RIN2: variants seen among roughly 807,000 people sequenced by gnomAD.
RIN2 encodes Ras and Rab interactor 2.
RIN2 carries 36 observed loss-of-function variants against 78.0 expected under a neutral mutation model. That is an observed-to-expected ratio of 0.46 (90% confidence interval 0.35 to 0.61). The LOEUF (loss-of-function observed/expected upper bound fraction) is 0.61, where lower values mean the gene tolerates loss of function less well. Ranked by LOEUF, RIN2 falls within the 20% of genes least tolerant of loss-of-function variation. The pLI is 0.00. For synonymous variants in RIN2, 466 were observed against 466.8 expected, an observed-to-expected ratio of 1.00 and a Z score of 0.02; for missense variants, 1,087 against 1,159.7, an observed-to-expected ratio of 0.94 and a Z score of 0.91.
At chr20:19,759,355 A>G (rs1441020913) in intron 1 of RIN2, among the ~76,000 whole-genome samples, 3 of 151,438 alleles carry the variant, frequency 2.0e-5, no homozygotes, top group African/African-American at 7.4e-5. Context: ...ACATCAGAGT[A>G]CTCTTCGACC....
chr20:19,952,318 G>A (rs2041352016), intron 4 of RIN2, among the ~76,000 whole-genome samples: 1 of 152,220 alleles, frequency 6.6e-6, no homozygotes, highest in African/African-American at 2.4e-5. Flanking sequence ...ACTCGCAGCA[G>A]ATGGGGCATG....
rs2043149867 is a variant in RIN2 at position 20,001,815 on chromosome 20, G to A, written c.*879G>A. ...ATATGAACTCTAACAAAGGACTGAG[G>A]AGTGCAGTCTGCTGGTTCAGGCTCT... On this transcript the variant is annotated 3_prime_UTR_variant, in exon 13 of 13. Transcript: ENST00000255006. 6.6e-6 allele frequency: 1 copy of A among 152,618 alleles called. No homozygotes were observed. The highest frequency in any genetic ancestry group is 2.1e-4 in the South Asian group (1 of 4,830). The allele number at this position is 152,618 out of a possible 1,614,324, so 9.5% of individuals were successfully genotyped here. A position where few individuals can be genotyped will look rare whatever the true frequency, so the allele number is the denominator to read the frequency against.
At chr20:19,811,847 T>TAA (rs58693993) in intron 2 of RIN2, among the ~76,000 whole-genome samples, 50 of 145,374 alleles carry the variant, frequency 3.4e-4, no homozygotes, top group Admixed American at 1.0e-3. Flanking sequence ...GCTCCCATTT[T>TAA]AAAAAAAAAA....
chr20:19,788,432 C>CAAAAAAAAAAAAAAAACAA (rs1316215614), intron 1 of RIN2, among the ~76,000 whole-genome samples: 1 of 53,742 alleles, frequency 1.9e-5, no homozygotes, highest in African/African-American at 1.1e-4. Flanking sequence ...CTGTCTCTGC[C>CAAAAAAAAAAAAAAAACAA]AAAAAAAAAA....
chr20:19,920,907 A>T (rs1251114374), intron 3 of RIN2, among the ~76,000 whole-genome samples: 1 of 152,178 alleles, frequency 6.6e-6, no homozygotes, highest in Non-Finnish European at 1.5e-5. Context: ...TCCTGACCTC[A>T]AGTGATCCAC....
At chr20:19,808,686 A>C (rs1438626894) in intron 2 of RIN2, among the ~76,000 whole-genome samples, 1 of 152,186 alleles carries the variant, frequency 6.6e-6, no homozygotes, top group African/African-American at 2.4e-5. Flanking sequence ...TGGCAAGTGG[A>C]AACAGAGCAG....
Position 19,818,742 on chromosome 20 carries a change from AAG to A in RIN2, c.-37+18997_-37+18998del, listed in dbSNP as rs1301304637. On this transcript the variant is annotated intron_variant, in intron 2 of 12. Transcript: ENST00000255006. ...GCGAGACTCCGTATCAAAAAAAAAA[AAG>A]AAAGAAAGAGAAAAAAAAAAAGAAA... Among the ~76,000 whole-genome samples the A allele has an allele frequency of 2.4e-4, 33 of 138,978 alleles. 2 individuals carry two copies. The highest frequency in any genetic ancestry group is 3.6e-3 in the Middle Eastern group (1 of 280). The allele number at this position is 138,978 out of a possible 152,430, so 91.2% of individuals were successfully genotyped here. A position where few individuals can be genotyped will look rare whatever the true frequency, so the allele number is the denominator to read the frequency against.
At chr20:19,940,994 C>T (rs947170299) in intron 4 of RIN2, among the ~76,000 whole-genome samples, 1 of 152,224 alleles carries the variant, frequency 6.6e-6, no homozygotes. Context: ...CCTTCCTCCA[C>T]TCTCCTGTAG....
intron 2 of RIN2, among the ~76,000 whole-genome samples, chr20:19,857,286 C>T (rs940459681): frequency 6.6e-6 from 1 of 152,092 alleles, no homozygotes; most frequent in Non-Finnish European, 1.5e-5. Flanking sequence ...CAAATGCATC[C>T]ACGTTGCTTC....
chr20:19,997,578 G>A (rs1162327295), intron 12 of RIN2, among the ~76,000 whole-genome samples: 1 of 152,148 alleles, frequency 6.6e-6, no homozygotes, highest in East Asian at 1.9e-4. Context: ...GGCCAACACG[G>A]TGAAACCCTG....
At chr20:19,796,920 A>G (rs2035075687) in intron 1 of RIN2, among the ~76,000 whole-genome samples, 1 of 152,244 alleles carries the variant, frequency 6.6e-6, no homozygotes, top group Non-Finnish European at 1.5e-5. Flanking sequence ...GACTTCACAC[A>G]GAGTCAATGT....
chr20:19,816,106 G>A (rs1341142935), intron 2 of RIN2, among the ~76,000 whole-genome samples: 4 of 152,154 alleles, frequency 2.6e-5, no homozygotes, highest in African/African-American at 9.7e-5. Flanking sequence ...GTGCAGCTTT[G>A]AAAAACTTGG....
chr20:19,798,692 G>C (rs2035146113), intron 1 of RIN2, among the ~76,000 whole-genome samples: 1 of 152,062 alleles, frequency 6.6e-6, no homozygotes, highest in Admixed American at 6.6e-5. Flanking sequence ...ATGCACAGAA[G>C]CAATCTGGAA....
chr20:19,827,817 T>C (rs941196571), intron 2 of RIN2, among the ~76,000 whole-genome samples: 2 of 151,712 alleles, frequency 1.3e-5, no homozygotes, highest in Non-Finnish European at 2.9e-5. Flanking sequence ...TTTCTTTTTT[T>C]TTTTTTTTGC....
At chr20:19,906,061 G>A (rs1471971573) in intron 3 of RIN2, among the ~76,000 whole-genome samples, 10 of 152,176 alleles carry the variant, frequency 6.6e-5, no homozygotes, top group African/African-American at 2.4e-4. Flanking sequence ...AGAGTAAGTG[G>A]CAGAGCCAAG....
At chr20:19,801,805 A>G (rs975481688) in intron 2 of RIN2, among the ~76,000 whole-genome samples, 2 of 152,224 alleles carry the variant, frequency 1.3e-5, no homozygotes, top group African/African-American at 4.8e-5. Context: ...TCTTGATAAT[A>G]ATGATGACAG....
At chr20:19,852,932 G>A (rs1209736261) in intron 2 of RIN2, among the ~76,000 whole-genome samples, 4 of 151,172 alleles carry the variant, frequency 2.6e-5, no homozygotes, top group Admixed American at 6.6e-5. Flanking sequence ...TGTGCACAAC[G>A]TGCAGGTTTG....
chr20:19,919,774 C>T (rs2039835999), intron 3 of RIN2, among the ~76,000 whole-genome samples: 1 of 152,068 alleles, frequency 6.6e-6, no homozygotes, highest in Admixed American at 6.6e-5. Context: ...CCACTGCACT[C>T]CAGCCTGGAC....
At chr20:19,995,088 C>T (rs894132052) in intron 11 of RIN2, among the ~76,000 whole-genome samples, 1 of 152,042 alleles carries the variant, frequency 6.6e-6, no homozygotes, top group African/African-American at 2.4e-5. Context: ...ATGGAGGGGA[C>T]AGTTGCCATC....
Sources: allele counts gnomAD v4.1 joint callset (sites outside exome capture counted in the v4.1 genomes callset), GRCh38; gene constraint gnomAD v4.1.1; transcripts MANE v1.5; gene names NCBI Gene and HGNC (gene_info 2026-07-23, HGNC 2026-07-21).